CDK14: variants seen among roughly 807,000 people sequenced by gnomAD.
CDK14 encodes cyclin dependent kinase 14, also known as cyclin-dependent kinase 14.
CDK14 carries 34 observed loss-of-function variants against 60.7 expected under a neutral mutation model. That is an observed-to-expected ratio of 0.56 (90% CI 0.43 to 0.75). The LOEUF (loss-of-function observed/expected upper bound fraction) is 0.75, where lower values mean the gene tolerates loss of function less well. Ranked by LOEUF, CDK14 falls within the 30% of genes least tolerant of loss-of-function variation. The pLI, the probability that CDK14 is intolerant of heterozygous loss-of-function variation, is 0.00. For missense variants in CDK14, 482 were observed against 564.1 expected, an observed-to-expected ratio of 0.85 and a Z score of 1.47; for synonymous variants, 197 against 203.7, an observed-to-expected ratio of 0.97 and a Z score of 0.28.
chr7:90,990,000 G>T (rs1795484818), intron 10 of CDK14, among the ~76,000 whole-genome samples: 2 of 152,120 alleles, frequency 1.3e-5, no homozygotes, highest in African/African-American at 4.8e-5. Flanking sequence ...TATAGGAGTG[G>T]GTGGAAGGTG....
chr7:90,922,906 C>T lies in CDK14; in HGVS notation c.826+5182C>T, dbSNP rs1793292971. Among the ~76,000 whole-genome samples, 5 of 151,980 alleles carry T rather than the reference C, an allele frequency of 3.3e-5. No homozygotes were observed. In the South Asian group the frequency reaches 1.0e-3, roughly 32 times the overall value. ...AATTAAACAGAAAATACAGAGAGTT[C>T]CTATATACCCGCTTCCCATATGCAC... On this transcript the variant is annotated intron_variant, in intron 8 of 14. Transcript: ENST00000380050.
intron 5 of CDK14, among the ~76,000 whole-genome samples, chr7:90,845,143 C>T (rs1350565527): frequency 4.6e-5 from 7 of 152,050 alleles, no homozygotes; most frequent in Non-Finnish European, 1.0e-4. Context: ...AGTGTTGTGT[C>T]TCCAGTACCT....
At chr7:91,177,083 C>G (rs1801791954) in intron 14 of CDK14, among the ~76,000 whole-genome samples, 1 of 149,758 alleles carries the variant, frequency 6.7e-6, no homozygotes, top group Non-Finnish European at 1.5e-5. Flanking sequence ...AAACTGAATC[C>G]AGCAGCACAT....
At chr7:90,999,849 A>G (rs1795792749) in intron 10 of CDK14, among the ~76,000 whole-genome samples, 1 of 152,162 alleles carries the variant, frequency 6.6e-6, no homozygotes, top group Non-Finnish European at 1.5e-5. Flanking sequence ...AGAGTGGCCT[A>G]TTTGTTCAAA....
At chr7:91,049,617 A>G (rs184603542) in intron 11 of CDK14, among the ~76,000 whole-genome samples, 13 of 152,282 alleles carry the variant, frequency 8.5e-5, no homozygotes, top group Non-Finnish European at 1.9e-4. Flanking sequence ...TTTCAAATGT[A>G]TTGCTTTATG....
chr7:90,613,465 T>A (rs1406058665), intron 2 of CDK14, among the ~76,000 whole-genome samples: 2 of 151,840 alleles, frequency 1.3e-5, no homozygotes. Context: ...TTGGGAGGGA[T>A]CACTTGAGGT....
intron 14 of CDK14, among the ~76,000 whole-genome samples, chr7:91,191,709 G>T (rs917986488): frequency 6.6e-6 from 1 of 151,974 alleles, no homozygotes; most frequent in African/African-American, 2.4e-5. Context: ...CTTCAAGAAG[G>T]GGAAATGAGG....
intron 8 of CDK14, among the ~76,000 whole-genome samples, chr7:90,939,768 T>G (rs1172053178): frequency 6.6e-6 from 1 of 152,252 alleles, no homozygotes; most frequent in Non-Finnish European, 1.5e-5. Context: ...AGATTGTGCA[T>G]GCAAGCCTAT....
In CDK14 at chr7:91,029,730, AC is replaced by A. The variant is rs1215551250; in HGVS notation, c.1042-16166del. Among the ~76,000 whole-genome samples, 5 of 151,406 alleles carry A rather than the reference AC, an allele frequency of 3.3e-5. No individual in the cohort carries two copies. The South Asian group carries it at 1.1e-3, about 32-fold the overall frequency. On this transcript the variant is annotated intron_variant, in intron 10 of 14. Transcript: ENST00000380050. The stretch of plus-strand genomic sequence containing the variant: ...GTCATTATTGGTGTGTAGCAGTGCT[AC>A]TGATTTGTGTACATTGATTTTTGTA...
chr7:91,093,393 G>A (rs1313049120), intron 12 of CDK14, among the ~76,000 whole-genome samples: 1 of 152,164 alleles, frequency 6.6e-6, no homozygotes, highest in Non-Finnish European at 1.5e-5. Flanking sequence ...AAATGAGGAA[G>A]TCATTGGACA....
chr7:90,678,622 A>G (rs947324560), intron 2 of CDK14, among the ~76,000 whole-genome samples: 2 of 152,112 alleles, frequency 1.3e-5, no homozygotes, highest in African/African-American at 4.8e-5. Context: ...TGTTGTGAGA[A>G]GCCTCGGTGC....
intron 10 of CDK14, among the ~76,000 whole-genome samples, chr7:91,003,513 T>A (rs1404007982): frequency 6.6e-6 from 1 of 152,148 alleles, no homozygotes; most frequent in East Asian, 1.9e-4. Flanking sequence ...TGCAAGCTGG[T>A]AGATGGATGG....
chr7:90,872,982 AAAGAT>A (rs1791422974), intron 6 of CDK14, among the ~76,000 whole-genome samples: 1 of 152,204 alleles, frequency 6.6e-6, no homozygotes, highest in Non-Finnish European at 1.5e-5. Context: ...AAATCACAGA[AAAGAT>A]AAAACAGTAA....
At chr7:90,726,839 TG>T in intron 3 of CDK14, 27 bp downstream of exon 3, 1 of 1,610,640 alleles carries the variant, frequency 6.2e-7, no homozygotes, top group Non-Finnish European at 8.5e-7. Flanking sequence ...TGTTTATCAC[TG>T]GGTAAACAGA....
intron 10 of CDK14, among the ~76,000 whole-genome samples, chr7:90,986,901 A>G (rs996749241): frequency 6.6e-6 from 1 of 151,970 alleles, no homozygotes; most frequent in African/African-American, 2.4e-5. Flanking sequence ...TGGTAGAATT[A>G]TTACTGTACT....
At chr7:90,647,765 A>G (rs893728228) in intron 2 of CDK14, among the ~76,000 whole-genome samples, 7 of 152,174 alleles carry the variant, frequency 4.6e-5, no homozygotes, top group Admixed American at 1.3e-4. Flanking sequence ...CTGAGGCTGG[A>G]TGATCACTTG....
In CDK14 at chr7:90,959,084, A is replaced by G. The variant is rs144640100; in HGVS notation, c.947+3267A>G. Among the ~76,000 whole-genome samples the G allele has an allele frequency of 2.0e-5, 3 of 152,234 alleles. No homozygotes were observed. The East Asian group carries it at 5.8e-4, about 29-fold the overall frequency. ...GTGTGTTCATTCTCTCAAGGAAGATAGCTTGGACACTTTCTGCCAATTTGC... is the reference window on the plus strand; with the variant it reads ...GTGTGTTCATTCTCTCAAGGAAGATGGCTTGGACACTTTCTGCCAATTTGC... On this transcript the variant is annotated intron_variant, in intron 9 of 14. Transcript: ENST00000380050.
intron 5 of CDK14, among the ~76,000 whole-genome samples, chr7:90,861,805 C>T (rs984009295): frequency 2.0e-5 from 3 of 152,006 alleles, no homozygotes; most frequent in East Asian, 1.9e-4. Flanking sequence ...GGAACCAGTT[C>T]GTTCATTAAA....
intron 14 of CDK14, among the ~76,000 whole-genome samples, chr7:91,136,383 G>A (rs1209019817): frequency 6.6e-6 from 1 of 152,130 alleles, no homozygotes; most frequent in Non-Finnish European, 1.5e-5. Context: ...TTCACTAGTT[G>A]ATTTGAGCGT....
Sources: gnomAD v4.1 joint callset for allele counts (sites outside exome capture counted in the v4.1 genomes callset) on GRCh38, gnomAD v4.1.1 for gene constraint, MANE v1.5 for transcripts, NCBI Gene and HGNC (gene_info 2026-07-23, HGNC 2026-07-21) for gene names.